Variants in MRPL47 observed in about 807,000 individuals in gnomAD.
MRPL47 encodes mitochondrial ribosomal protein L47.
MRPL47 carries 31 observed loss-of-function variants against 34.0 expected under a neutral mutation model. The ratio of observed to expected loss-of-function variants is 0.91; its 90% CI spans 0.68 to 1.23. MRPL47 has a LOEUF of 1.23. Among genes scored for constraint, MRPL47 ranks in the 50% most tolerant of loss-of-function variants. The pLI, the probability that MRPL47 is intolerant of heterozygous loss-of-function variation, is 0.00. For synonymous variants in MRPL47, 106 were observed against 101.6 expected (o/e 1.04, Z -0.26); for missense variants, 328 against 285.8 (o/e 1.15, Z -1.07).
intron 4 of MRPL47, among the ~76,000 whole-genome samples, chr3:179,598,456 G>A (rs1180677546): frequency 7.3e-6 from 1 of 137,086 alleles, no homozygotes; most frequent in African/African-American, 2.6e-5. Context: ...AAAACACGTT[G>A]CAGGTAGAAA....
chr3:179,594,269 C>T (rs148710341), intron 4 of MRPL47, among the ~76,000 whole-genome samples: 1,729 of 152,220 alleles, frequency 0.011, 24 homozygotes, highest in Middle Eastern at 0.048. Context: ...AAGACATGTT[C>T]TGGTCTCAAC....
At chr3:179,595,416 T>C (rs796240826) in intron 4 of MRPL47, among the ~76,000 whole-genome samples, 18 of 152,334 alleles carry the variant, frequency 1.2e-4, no homozygotes, top group African/African-American at 4.3e-4. Context: ...TTACAGTAGC[T>C]GAATTCACAT....
intron 4 of MRPL47, among the ~76,000 whole-genome samples, chr3:179,596,285 C>T (rs1303911535): frequency 1.3e-5 from 2 of 152,162 alleles, no homozygotes; most frequent in Non-Finnish European, 2.9e-5. Flanking sequence ...TTCTCTTTTA[C>T]TCTTCCTTAA....
intron 6 of MRPL47, among the ~76,000 whole-genome samples, chr3:179,590,120 C>G (rs1490595869): frequency 6.6e-6 from 1 of 152,140 alleles, no homozygotes; most frequent in African/African-American, 2.4e-5. Flanking sequence ...GTGAGAGGAT[C>G]ACGAGGTCAA....
In MRPL47 at chr3:179,604,638, T is replaced by A. The variant is rs761291936; in HGVS notation, c.-14A>T. On this transcript the variant is annotated 5_prime_UTR_variant, in exon 1 of 7. Coordinates refer to ENST00000476781, the MANE Select transcript of MRPL47 (RefSeq NM_020409.3). The stretch of plus-strand genomic sequence containing the variant: ...GGCCGCAGCCATGTTTTCGCATAAC[T>A]GGCAAAACGCGTTTCCGCCAACGAT... The A allele has an allele frequency of 1.9e-6, 3 of 1,614,056 alleles. No homozygotes were observed. In the South Asian group the frequency reaches 3.3e-5, roughly 18 times the overall value.
chr3:179,591,329 T>G (rs944007799), intron 6 of MRPL47, among the ~76,000 whole-genome samples: 1 of 152,232 alleles, frequency 6.6e-6, no homozygotes, highest in Non-Finnish European at 1.5e-5. Context: ...ATAGCACCCT[T>G]GGCCCAGGAA....
chr3:179,601,716 CT>C lies in MRPL47; in HGVS notation c.305+13del. 1 of 1,536,764 alleles carries C rather than the reference CT, an allele frequency of 6.5e-7. No homozygotes were observed. Among genetic ancestry groups the C allele is most frequent in the Non-Finnish European group, 9.0e-7 (1 of 1,110,420 alleles). On this transcript the variant is annotated intron_variant, in intron 3 of 6. Coordinates refer to ENST00000476781, the MANE Select transcript of MRPL47 (RefSeq NM_020409.3). ...CTTCAAACGTCTAGATGTTAATGTA[CT>C]TAGTATACTTACCAAAGTTTGTGTA... is the stretch of plus-strand genomic sequence containing the variant.
At chr3:179,601,469 T>C (rs1344629880) in intron 3 of MRPL47, among the ~76,000 whole-genome samples, 1 of 152,236 alleles carries the variant, frequency 6.6e-6, no homozygotes, top group Non-Finnish European at 1.5e-5. Flanking sequence ...CTGAAATTGC[T>C]AGTATAAACA....
At chr3:179,598,369 C>T (rs1174190817) in intron 4 of MRPL47, among the ~76,000 whole-genome samples, 4 of 132,728 alleles carry the variant, frequency 3.0e-5, no homozygotes, top group East Asian at 2.3e-4. Flanking sequence ...AGCCTGGGGG[C>T]GACAGAGTGA....
intron 6 of MRPL47, among the ~76,000 whole-genome samples, chr3:179,590,580 G>A (rs925530603): frequency 6.6e-6 from 1 of 152,006 alleles, no homozygotes; most frequent in Non-Finnish European, 1.5e-5. Context: ...CAAGAGTTCT[G>A]ACTTCGATGA....
chr3:179,589,430 A>G (rs1444818626), intron 6 of MRPL47, among the ~76,000 whole-genome samples: 3 of 152,212 alleles, frequency 2.0e-5, no homozygotes, highest in Non-Finnish European at 4.4e-5. Flanking sequence ...TAGACTTACT[A>G]TTCTTTAAAT....
chr3:179,596,589 T>C (rs531060318), intron 4 of MRPL47, among the ~76,000 whole-genome samples: 3 of 152,334 alleles, frequency 2.0e-5, no homozygotes, highest in East Asian at 1.9e-4. Context: ...AGCACCATTA[T>C]AGCAAAAGCT....
intron 6 of MRPL47, among the ~76,000 whole-genome samples, chr3:179,592,353 T>C (rs111353757): frequency 0.091 from 13,823 of 151,978 alleles, 681 homozygotes; most frequent in South Asian, 0.17. Flanking sequence ...CACCACCATG[T>C]CCGTCTAATT....
In MRPL47 at chr3:179,590,156, T is replaced by C. The variant is rs375544442; in HGVS notation, c.630-1161A>G. 5.1e-4 allele frequency among the ~76,000 whole-genome samples: 78 copies of C among 152,174 alleles called. 1 individual carries two copies. The highest frequency in any genetic ancestry group is 1.8e-3 in the African/African-American group (75 of 41,524). On this transcript the variant is annotated intron_variant, in intron 6 of 6. Transcript: ENST00000476781. ...GAGATCAAGACCATCCTGGCCAACATGGTGAAACCCTGTCTCTGCTAAGAA... is the reference window on the plus strand; with the variant it reads ...GAGATCAAGACCATCCTGGCCAACACGGTGAAACCCTGTCTCTGCTAAGAA...
Position 179,604,605 on chromosome 3 carries a change from G to A in MRPL47, c.20C>T (p.Ala7Val), listed in dbSNP as rs201911825. 3.1e-6 allele frequency: 5 copies of A among 1,614,198 alleles called. No homozygotes were observed. The highest frequency in any genetic ancestry group is 2.2e-5 in the South Asian group (2 of 91,080). The change falls in exon 1 of 7, where the codon GCC (alanine) becomes GTC (valine). Residue 7 changes from alanine (A) to valine (V), a missense_variant. Coordinates refer to ENST00000476781, the MANE Select transcript of MRPL47 (RefSeq NM_020409.3). ...GGATGAAACTCTCCTACAAAGAAGG[G>A]CCAAACCGGCCGCAGCCATGTTTTC... MAAAGL[A>V]LLCRRVSSAL...
chr3:179,593,406 T>C (rs1718718656), intron 5 of MRPL47, among the ~76,000 whole-genome samples: 1 of 152,236 alleles, frequency 6.6e-6, no homozygotes, highest in Non-Finnish European at 1.5e-5. Flanking sequence ...TTCATGGATT[T>C]TATACCTTCT....
intron 6 of MRPL47, among the ~76,000 whole-genome samples, chr3:179,589,249 A>C (rs1718607451): frequency 6.6e-6 from 1 of 152,184 alleles, no homozygotes; most frequent in African/African-American, 2.4e-5. Flanking sequence ...ACCTGTAACA[A>C]ATTGGGCCTT....
chr3:179,593,925 A>C (rs1442345963), intron 4 of MRPL47, 30 bp from the exon 5 acceptor site: 3 of 1,594,688 alleles, frequency 1.9e-6, no homozygotes, highest in Non-Finnish European at 2.6e-6. Context: ...ATACAATTTC[A>C]ACAATCATCT....
Sources: allele counts gnomAD v4.1 joint callset (sites outside exome capture counted in the v4.1 genomes callset), GRCh38; gene constraint gnomAD v4.1.1; transcripts MANE v1.5; gene names NCBI Gene and HGNC (gene_info 2026-07-23, HGNC 2026-07-21).